Variants in PRDM5 observed in about 807,000 individuals in gnomAD.
PRDM5 encodes the protein PR domain zinc finger protein 5.
In PRDM5, 56 loss-of-function variants were observed where a neutral mutation model predicts 81.2. That is an observed-to-expected ratio of 0.69 (90% CI 0.56 to 0.86). The LOEUF is 0.86. Ranked by LOEUF, PRDM5 falls within the 40% of genes least tolerant of loss-of-function variation. The pLI, the probability that PRDM5 is intolerant of heterozygous loss-of-function variation, is 0.00. For missense variants in PRDM5, 697 were observed against 770.1 expected (o/e 0.91, Z 1.12); for synonymous variants, 267 against 256.4 (o/e 1.04, Z -0.39).
At position 120,823,147 on chromosome 4, in the gene PRDM5, T is replaced by C. The variant is rs190612241; in HGVS notation, c.301-1802A>G. Among the ~76,000 whole-genome samples the C allele has an allele frequency of 7.2e-4, 110 of 152,280 alleles. No individual in the cohort carries two copies. In the East Asian group the frequency reaches 0.021, roughly 29 times the overall value. On this transcript the variant is annotated intron_variant, in intron 3 of 15. Coordinates refer to ENST00000264808, the MANE Select transcript of PRDM5 (RefSeq NM_018699.4). The stretch of plus-strand genomic sequence containing the variant: ...TAAATATTAGTGTTTATCTGATCAA[T>C]ATCCATGAAAGTTAATTGAACCGTC...
rs767417761 is a variant in PRDM5, at chr4:120,853,469, G to T, written c.249C>A (p.Arg83=). ...ATNPRHSNWL[R]FVHEAPSQEQ... is the part of the protein sequence containing the mutation. ...CCTGAGATGGTGCCTCATGAACGAA[G>T]CGAAGCCAGTTGGAGTGCCGTGGGT... Residue 83 remains arginine (R), a synonymous_variant, in exon 3 of 16, where the codon CGC becomes CGA. Transcript: ENST00000264808. The T allele has an allele frequency of 6.2e-7, 1 of 1,613,648 alleles. No homozygotes were observed. Among genetic ancestry groups the T allele is most frequent in the Non-Finnish European group, 8.5e-7 (1 of 1,179,770 alleles).
intron 11 of PRDM5, 92 bp from the exon 12 acceptor site, chr4:120,781,395 G>A (rs1473840824): frequency 8.5e-7 from 1 of 1,180,870 alleles, no homozygotes; most frequent in African/African-American, 1.5e-5. Context: ...TCTCCAAAAT[G>A]TTGGCTTTGT....
chr4:120,846,165 C>T (rs1015603838), intron 3 of PRDM5, among the ~76,000 whole-genome samples: 1 of 152,134 alleles, frequency 6.6e-6, no homozygotes, highest in Non-Finnish European at 1.5e-5. Context: ...GAAATGACAG[C>T]AAAGAATTTC....
rs1378548680 is a variant in PRDM5 at position 120,709,704 on chromosome 4, TG to T, written c.1728+604del. ...CTGCCAATCCCGCACAAAAGAACAGTGGTTTTTTTTCCCCTAAATTGATCAA... is the reference window on the plus strand; with the variant it reads ...CTGCCAATCCCGCACAAAAGAACAGTGTTTTTTTTCCCCTAAATTGATCAA... On this transcript the variant is annotated intron_variant, in intron 15 of 15. Coordinates refer to ENST00000264808, the MANE Select transcript of PRDM5 (RefSeq NM_018699.4). Among the ~76,000 whole-genome samples the T allele has an allele frequency of 8.1e-5, 9 of 111,626 alleles. No individual in the cohort carries two copies. In the East Asian group the frequency reaches 1.4e-3, roughly 17 times the overall value. 73.2% of individuals were successfully genotyped at this position (111,626 alleles called of 152,430 possible).
At chr4:120,750,716 ACACG>A (rs912876925) in intron 14 of PRDM5, among the ~76,000 whole-genome samples, 49 of 140,112 alleles carry the variant, frequency 3.5e-4, no homozygotes, top group African/African-American at 1.0e-3. Flanking sequence ...ACACACACAC[ACACG>A]CGCACACAAA....
At chr4:120,762,718 A>C (rs917064584) in intron 13 of PRDM5, 9 of 152,102 alleles carry the variant, frequency 5.9e-5, no homozygotes, top group African/African-American at 2.2e-4. Flanking sequence ...TCTTTCTGTA[A>C]TTGAAATACT....
At chr4:120,894,477 G>T (rs539530995) in intron 2 of PRDM5, among the ~76,000 whole-genome samples, 1 of 151,990 alleles carries the variant, frequency 6.6e-6, no homozygotes, top group African/African-American at 2.4e-5. Flanking sequence ...TTCTTCTGGC[G>T]CAAGTCAGCT....
At chr4:120,748,440 T>A (rs987444660) in intron 14 of PRDM5, among the ~76,000 whole-genome samples, 2 of 151,958 alleles carry the variant, frequency 1.3e-5, no homozygotes, top group African/African-American at 4.8e-5. Flanking sequence ...GCCTAGGAGC[T>A]CAAGATCAGG....
At chr4:120,905,958 T>C (rs904193857) in intron 2 of PRDM5, among the ~76,000 whole-genome samples, 1 of 152,144 alleles carries the variant, frequency 6.6e-6, no homozygotes, top group Non-Finnish European at 1.5e-5. Flanking sequence ...GTACTTTTTC[T>C]GTATTTAGAT....
chr4:120,719,772 C>T (rs1292330342), intron 14 of PRDM5, among the ~76,000 whole-genome samples: 1 of 152,164 alleles, frequency 6.6e-6, no homozygotes, highest in African/African-American at 2.4e-5. Context: ...TTATCCTATT[C>T]TCTGCTTCTG....
intron 11 of PRDM5, among the ~76,000 whole-genome samples, chr4:120,783,302 T>A (rs1749307095): frequency 1.3e-5 from 2 of 152,218 alleles, no homozygotes; most frequent in South Asian, 4.1e-4. Context: ...CAAAGTTGAT[T>A]TTCCTGGCCA....
chr4:120,685,758 C>T (rs998783997), intron 1 of PRDM5, among the ~76,000 whole-genome samples: 3 of 152,086 alleles, frequency 2.0e-5, no homozygotes, highest in Non-Finnish European at 4.4e-5. Context: ...TGACATCATT[C>T]AGTTAAGTAA....
intron 13 of PRDM5, among the ~76,000 whole-genome samples, chr4:120,766,162 G>A (rs372918565): frequency 5.9e-5 from 9 of 151,998 alleles, no homozygotes; most frequent in South Asian, 2.1e-4. Flanking sequence ...GTTTCACCAC[G>A]TTGGCCAGAC....
chr4:120,772,789 CA>C (rs1289501486), intron 13 of PRDM5, among the ~76,000 whole-genome samples: 5 of 152,282 alleles, frequency 3.3e-5, no homozygotes, highest in Admixed American at 3.3e-4. Context: ...AGACTCTTTA[CA>C]ACGTCTGCAA....
chr4:120,894,302 A>T (rs558905437), intron 2 of PRDM5, among the ~76,000 whole-genome samples: 1 of 152,304 alleles, frequency 6.6e-6, no homozygotes, highest in South Asian at 2.1e-4. Flanking sequence ...TTCTTATTAT[A>T]TAAATTGCAT....
intron 1 of PRDM5, among the ~76,000 whole-genome samples, chr4:120,912,056 G>C (rs1766573435): frequency 6.6e-6 from 1 of 152,148 alleles, no homozygotes. Flanking sequence ...GAATATTTGA[G>C]TTAGCGAATC....
At chr4:120,865,658 C>A (rs192856281) in intron 2 of PRDM5, among the ~76,000 whole-genome samples, 3 of 152,292 alleles carry the variant, frequency 2.0e-5, no homozygotes, top group Admixed American at 6.5e-5. Flanking sequence ...TGCCAACTGG[C>A]ACTCCCTGGT....
At chr4:120,830,755 T>C (rs1219834250) in intron 3 of PRDM5, among the ~76,000 whole-genome samples, 1 of 151,986 alleles carries the variant, frequency 6.6e-6, no homozygotes, top group Non-Finnish European at 1.5e-5. Flanking sequence ...GCAAATAAAA[T>C]CTGGTTTGCT....
intron 13 of PRDM5, among the ~76,000 whole-genome samples, chr4:120,766,780 C>T (rs192270594): frequency 1.2e-4 from 18 of 152,198 alleles, no homozygotes; most frequent in Admixed American, 1.1e-3. Context: ...AAATAAGAGG[C>T]TTGAACTAGA....
Sources: gnomAD v4.1 joint callset for allele counts (sites outside exome capture counted in the v4.1 genomes callset) on GRCh38, gnomAD v4.1.1 for gene constraint, MANE v1.5 for transcripts, NCBI Gene and HGNC (gene_info 2026-07-23, HGNC 2026-07-21) for gene names.